GMDS: variants seen among roughly 807,000 people sequenced by gnomAD.
The protein encoded by GMDS is GDP-mannose 4,6 dehydratase.
In GMDS, 20 loss-of-function variants were observed where a neutral mutation model predicts 49.9. The ratio of observed to expected loss-of-function variants is 0.40; its 90% CI spans 0.28 to 0.58. GMDS has a LOEUF of 0.58. Ranked by LOEUF, GMDS falls within the 20% of genes least tolerant of loss-of-function variation. GMDS has a pLI of 0.42. For synonymous variants in GMDS, 177 were observed against 178.6 expected (o/e 0.99, Z 0.07); for missense variants, 362 against 481.4 (o/e 0.75, Z 2.32).
intron 4 of GMDS, among the ~76,000 whole-genome samples, chr6:2,022,573 T>C (rs1005357392): frequency 6.6e-6 from 1 of 152,182 alleles, no homozygotes; most frequent in African/African-American, 2.4e-5. Flanking sequence ...ATAATGCACA[T>C]TATGAAATAA....
chr6:2,124,522 G>A (rs1775311919), intron 2 of GMDS, among the ~76,000 whole-genome samples, 165 bp downstream of exon 2: 2 of 152,186 alleles, frequency 1.3e-5, no homozygotes, highest in African/African-American at 4.8e-5. Flanking sequence ...AGCACAATGG[G>A]TTGGCAGGCT....
At chr6:2,148,016 T>G (rs1174582569) in intron 1 of GMDS, among the ~76,000 whole-genome samples, 1 of 151,930 alleles carries the variant, frequency 6.6e-6, no homozygotes, top group Non-Finnish European at 1.5e-5. Context: ...TTGTTGTATA[T>G]TAGACATTCT....
intron 7 of GMDS, among the ~76,000 whole-genome samples, chr6:1,753,190 AT>A (rs1767801550): frequency 2.0e-5 from 3 of 152,198 alleles, no homozygotes; most frequent in Admixed American, 2.0e-4. Flanking sequence ...ATGGAGGAAT[AT>A]TTACGAAGCA....
intron 7 of GMDS, among the ~76,000 whole-genome samples, chr6:1,867,916 G>A (rs1758517959): frequency 6.6e-6 from 1 of 152,084 alleles, no homozygotes; most frequent in South Asian, 2.1e-4. Flanking sequence ...TCGTGTCTGT[G>A]GATGGGTGCT....
chr6:1,930,294 A>G (rs776474412), intron 6 of GMDS, 64 bp from the exon 7 acceptor site: 33 of 1,422,770 alleles, frequency 2.3e-5, no homozygotes, highest in Non-Finnish European at 3.1e-5. Flanking sequence ...AGTTTGGTGA[A>G]CCAAACCCGA....
chr6:1,918,441 T>G (rs1387161257), intron 7 of GMDS, among the ~76,000 whole-genome samples: 1 of 152,192 alleles, frequency 6.6e-6, no homozygotes, highest in Non-Finnish European at 1.5e-5. Flanking sequence ...TGCTCAGATA[T>G]TCTTCCTTTA....
At chr6:1,655,515 ACACATAT>A (rs1330219202) in intron 9 of GMDS, among the ~76,000 whole-genome samples, 9 of 94,292 alleles carry the variant, frequency 9.5e-5, no homozygotes, top group Non-Finnish European at 1.6e-4. Context: ...ACACACACAC[ACACATAT>A]TTTTTTTTTT....
intron 1 of GMDS, among the ~76,000 whole-genome samples, chr6:2,140,929 C>T (rs1449619073): frequency 6.6e-6 from 1 of 152,108 alleles, no homozygotes; most frequent in African/African-American, 2.4e-5. Context: ...GTGAACTCTG[C>T]CCTGATGGAA....
intron 1 of GMDS, among the ~76,000 whole-genome samples, chr6:2,205,269 T>C (rs951931951): frequency 6.6e-6 from 1 of 152,214 alleles, no homozygotes; most frequent in Admixed American, 6.5e-5. Context: ...TGCTTTTAAA[T>C]GCTACTATTC....
intron 7 of GMDS, among the ~76,000 whole-genome samples, chr6:1,797,348 T>G (rs1769781497): frequency 1.3e-5 from 2 of 152,194 alleles, no homozygotes; most frequent in South Asian, 4.1e-4. Flanking sequence ...TCTGGTAAAC[T>G]CCACATGTTA....
At chr6:1,679,364 T>A (rs72838838) in intron 9 of GMDS, 2 of 152,192 alleles carry the variant, frequency 1.3e-5, no homozygotes, top group South Asian at 4.1e-4. Flanking sequence ...ACCAGGACAA[T>A]GACTATATTT....
chr6:1,752,622 A>G (rs777586755), intron 7 of GMDS, among the ~76,000 whole-genome samples: 12 of 152,240 alleles, frequency 7.9e-5, no homozygotes. Context: ...AAGAATGTTA[A>G]GGGCAGTCAG....
chr6:1,825,616 A>G (rs1449343528), intron 7 of GMDS, among the ~76,000 whole-genome samples: 1 of 152,246 alleles, frequency 6.6e-6, no homozygotes, highest in Non-Finnish European at 1.5e-5. Context: ...CCTATACTAC[A>G]AATCTGTATA....
intron 1 of GMDS, among the ~76,000 whole-genome samples, chr6:2,188,478 T>G (rs1039045674): frequency 6.6e-6 from 1 of 152,210 alleles, no homozygotes; most frequent in African/African-American, 2.4e-5. Flanking sequence ...TATTTTGATA[T>G]GGACGGGGAT....
chr6:2,015,525 G>A (rs760608861), intron 4 of GMDS, among the ~76,000 whole-genome samples: 1 of 152,128 alleles, frequency 6.6e-6, no homozygotes, highest in Non-Finnish European at 1.5e-5. Flanking sequence ...AGAGGAAAAT[G>A]TATAGTATTG....
intron 7 of GMDS, among the ~76,000 whole-genome samples, chr6:1,751,807 A>G (rs6596850): frequency 0.38 from 57,260 of 152,074 alleles, 11,504 homozygotes; most frequent in Admixed American, 0.46. Flanking sequence ...TGACTGTTAG[A>G]AGGAAAACTA....
intron 6 of GMDS, among the ~76,000 whole-genome samples, chr6:1,945,078 A>G (rs552557824): frequency 6.6e-6 from 1 of 152,322 alleles, no homozygotes; most frequent in Non-Finnish European, 1.5e-5. Context: ...GAACAAGCAC[A>G]ATTAGAAATA....
At chr6:2,237,119 T>C (rs540520301) in intron 1 of GMDS, among the ~76,000 whole-genome samples, 37 of 152,286 alleles carry the variant, frequency 2.4e-4, no homozygotes, top group African/African-American at 8.7e-4. Context: ...GCATATAAAA[T>C]CATCTAACCT....
intron 1 of GMDS, among the ~76,000 whole-genome samples, chr6:2,177,221 A>G (rs1409180116): frequency 6.6e-6 from 1 of 152,186 alleles, no homozygotes; most frequent in East Asian, 1.9e-4. Flanking sequence ...ATGAAGTGGG[A>G]AAAAGATTTT....
Sources: allele counts gnomAD v4.1 joint callset (sites outside exome capture counted in the v4.1 genomes callset), GRCh38; gene constraint gnomAD v4.1.1; transcripts MANE v1.5; gene names NCBI Gene and HGNC (gene_info 2026-07-23, HGNC 2026-07-21).